The following MSR1 variants were observed in gnomAD, a reference collection of about 807,000 sequenced individuals.
MSR1 encodes the protein macrophage scavenger receptor types I and II.
MSR1 carries 53 observed loss-of-function variants against 47.2 expected under a neutral mutation model. The observed-to-expected ratio is 1.12, with a 90% CI of 0.90 to 1.41. The LOEUF is 1.41. MSR1 is among the 40% of genes most tolerant of loss of function. The pLI, the probability that MSR1 is intolerant of heterozygous loss-of-function variation, is 0.00. For synonymous variants in MSR1, 239 were observed against 185.6 expected (o/e 1.29, Z -2.34); for missense variants, 786 against 546.9 (o/e 1.44, Z -4.36).
intron 7 of MSR1, among the ~76,000 whole-genome samples, chr8:16,147,815 C>T (rs769788664): frequency 6.6e-6 from 1 of 152,082 alleles, no homozygotes; most frequent in Non-Finnish European, 1.5e-5. Flanking sequence ...GGACTTATTA[C>T]CTCTGCCGTT....
chr8:16,110,250 G>A (rs372801017), intron 9 of MSR1, 32 bp from the exon 10 acceptor site: 16 of 1,610,676 alleles, frequency 9.9e-6, no homozygotes, highest in Admixed American at 1.7e-5. Context: ...GCATTAGTAA[G>A]TTTAGAGTTT....
At chr8:16,143,408 G>A in intron 8 of MSR1, 150 bp downstream of exon 8, 1 of 600,502 alleles carries the variant, frequency 1.7e-6, no homozygotes, top group East Asian at 2.8e-5. Flanking sequence ...CAATTAGCAT[G>A]CTTATTTGTA....
chr8:16,152,034 C>G (rs1292473500), intron 6 of MSR1, among the ~76,000 whole-genome samples: 2 of 152,156 alleles, frequency 1.3e-5, no homozygotes, highest in African/African-American at 2.4e-5. Context: ...AGAAAAGTGC[C>G]TGGCATGTAA....
Position 16,177,958 on chromosome 8 carries a change from G to C in MSR1, c.31C>G (p.Gln11Glu). 1.2e-6 allele frequency: 2 copies of C among 1,613,830 alleles called. No individual in the cohort carries two copies. Among genetic ancestry groups the C allele is most frequent in the Non-Finnish European group, 1.7e-6 (2 of 1,179,882 alleles). Reference protein sequence around the residue: MEQWDHFHNQQEDTDSCSESV... With the variant: MEQWDHFHNQEEDTDSCSESV... ...TCGGAGCAGCTATCAGTGTCCTCCT[G>C]TTGATTGTGAAAGTGATCCCACTGC... is the stretch of plus-strand genomic sequence containing the variant. Residue 11 changes from glutamine (Q) to glutamate (E), a missense_variant, in exon 2 of 10, where the codon CAG becomes GAG. Physicochemically the swap from Gln to Glu is conservative, Grantham distance 29. Transcript: ENST00000262101.
In MSR1 at chr8:16,168,689, G is replaced by C; in HGVS notation, c.399C>G (p.Ala133=). 6.2e-7 allele frequency: 1 copy of C among 1,614,128 alleles called. No homozygotes were observed. The highest frequency in any genetic ancestry group is 8.5e-7 in the Non-Finnish European group (1 of 1,180,008). The change falls in exon 4 of 10, where the codon GCC becomes GCG. Residue 133 remains alanine, a synonymous_variant. Transcript: ENST00000262101. Reference sequence around the variant, plus strand: ...GGAAATGCTCTGTGTCCATGAGGTTGGCTTCCATGTCTAAAATATGCTGGA... The same window carrying C: ...GGAAATGCTCTGTGTCCATGAGGTTCGCTTCCATGTCTAAAATATGCTGGA... The part of the protein sequence containing the change: ...KRIQHILDME[A]NLMDTEHFQN...
intron 1 of MSR1, among the ~76,000 whole-genome samples, chr8:16,185,794 T>G (rs1236009469): frequency 6.7e-6 from 1 of 149,420 alleles, no homozygotes; most frequent in Non-Finnish European, 1.5e-5. Context: ...CACAGCATTT[T>G]AACAAAGAAT....
At chr8:16,143,012 G>C (rs1263970396) in intron 8 of MSR1, among the ~76,000 whole-genome samples, 1 of 152,142 alleles carries the variant, frequency 6.6e-6, no homozygotes, top group African/African-American at 2.4e-5. Context: ...AACAGGTTGT[G>C]TATATTGCAA....
chr8:16,172,920 A>G (rs1457294086), intron 3 of MSR1, among the ~76,000 whole-genome samples: 1 of 152,116 alleles, frequency 6.6e-6, no homozygotes, highest in Admixed American at 6.6e-5. Context: ...TTCTGTCTAC[A>G]TTTGTAATTT....
Position 16,168,890 on chromosome 8 carries a change from T to C in MSR1, c.218-20A>G. 6.2e-7 allele frequency: 1 copy of C among 1,608,624 alleles called. No homozygotes were observed. The highest frequency in any genetic ancestry group is 8.5e-7 in the Non-Finnish European group (1 of 1,179,520). ...GTTGAGCTGTATATTTAAGTAAAAA[T>C]AAACCAGTCATGGCCTGATCCTTGA... On this transcript the variant is annotated intron_variant, in intron 3 of 9. Transcript: ENST00000262101.
intron 8 of MSR1, chr8:16,140,079 G>A (rs1585153216): frequency 7.3e-6 from 7 of 954,414 alleles, no homozygotes; most frequent in Non-Finnish European, 8.7e-6. Flanking sequence ...TAATGGACAT[G>A]TGAATTAATG....
rs538145661 is a variant in MSR1 at position 16,149,230 on chromosome 8, C to T, written c.979+1001G>A. Among the ~76,000 whole-genome samples the T allele has an allele frequency of 2.0e-5, 3 of 152,022 alleles. No individual in the cohort carries two copies. The South Asian group carries it at 6.2e-4, about 32-fold the overall frequency. Reference sequence around the variant, plus strand: ...GGTTTATTAATGGTTACATATATACCACACTAATGCAAGATGTTAATAGTA... The same window carrying T: ...GGTTTATTAATGGTTACATATATACTACACTAATGCAAGATGTTAATAGTA... On this transcript the variant is annotated intron_variant, in intron 7 of 9. Coordinates refer to ENST00000262101, the MANE Select transcript of MSR1 (RefSeq NM_138715.3).
chr8:16,191,085 C>A (rs569016167), intron 1 of MSR1, among the ~76,000 whole-genome samples: 1 of 152,082 alleles, frequency 6.6e-6, no homozygotes, highest in South Asian at 2.1e-4. Context: ...TGTGATCCTC[C>A]TTATTATATA....
chr8:16,176,807 C>T (rs1214999417), intron 2 of MSR1, among the ~76,000 whole-genome samples: 1 of 152,166 alleles, frequency 6.6e-6, no homozygotes, highest in Admixed American at 6.5e-5. Context: ...TCTTTTCTTA[C>T]ATGTGTCTCA....
intron 7 of MSR1, among the ~76,000 whole-genome samples, chr8:16,145,244 T>C (rs1343825967): frequency 6.6e-6 from 1 of 152,088 alleles, no homozygotes; most frequent in African/African-American, 2.4e-5. Context: ...TACTGCTAAA[T>C]TGGCAAAAAT....
At chr8:16,132,485 T>A (rs1410252508) in intron 8 of MSR1, among the ~76,000 whole-genome samples, 2 of 151,992 alleles carry the variant, frequency 1.3e-5, no homozygotes, top group Admixed American at 1.3e-4. Flanking sequence ...TATTTCTTTT[T>A]TTGTTTTGTT....
chr8:16,110,175 T>C lies in MSR1; in HGVS notation c.1266A>G (p.Arg422=), dbSNP rs773907946. The part of the protein sequence containing the change: ...IWLNEVFCFG[R]ESSIEECKIR... ...TTTTACATTCTTCAATAGATGATTC[T>C]CTCCCAAAACAAAACACTTCATTCA... The change falls in exon 10 of 10, where the codon AGA becomes AGG. Residue 422 remains arginine (R), a synonymous_variant. Transcript: ENST00000262101. 1.2e-6 allele frequency: 2 copies of C among 1,613,646 alleles called. No individual in the cohort carries two copies. The highest frequency in any genetic ancestry group is 2.2e-5 in the South Asian group (2 of 91,064).
rs115625457 is a variant in MSR1, at chr8:16,117,034, C to T, written c.1222+3384G>A. Among the ~76,000 whole-genome samples the T allele has an allele frequency of 2.9e-3, 436 of 152,254 alleles. 1 individual carries two copies. The highest frequency in any genetic ancestry group is 0.01 in the African/African-American group (422 of 41,562). ...TCACCTCAGCCACTGTACTACTGGG[C>T]TAGTTTCTTAAAGCAGGGGTCCCCA... On this transcript the variant is annotated intron_variant, in intron 9 of 9. Transcript: ENST00000262101.
intron 3 of MSR1, among the ~76,000 whole-genome samples, chr8:16,172,844 T>C (rs189760695): frequency 2.0e-4 from 31 of 152,272 alleles, no homozygotes; most frequent in African/African-American, 7.5e-4. Flanking sequence ...CACAGAGTTT[T>C]ATATATAATA....
At chr8:16,177,796 C>A in intron 2 of MSR1, 90 bp downstream of exon 2, 1 of 987,876 alleles carries the variant, frequency 1.0e-6, no homozygotes, top group Non-Finnish European at 1.6e-6. Context: ...CATCCACTTA[C>A]ATTTAAGGTA....
Sources: allele counts gnomAD v4.1 joint callset (sites outside exome capture counted in the v4.1 genomes callset), GRCh38; gene constraint gnomAD v4.1.1; transcripts MANE v1.5; gene names NCBI Gene and HGNC (gene_info 2026-07-23, HGNC 2026-07-21).